The following PCDH9 variants were observed in gnomAD, a reference collection of about 807,000 sequenced individuals.
PCDH9 encodes the protein protocadherin 9.
Under a neutral mutation model 70.6 loss-of-function variants are expected in PCDH9, and 24 were observed. The observed-to-expected ratio is 0.34, with a 90% CI of 0.25 to 0.48. PCDH9 has a LOEUF of 0.48. Among genes scored for constraint, PCDH9 ranks in the 20% least tolerant of loss-of-function variants. PCDH9 has a pLI of 0.99. For missense variants in PCDH9, 1,281 were observed against 1,503.6 expected (o/e 0.85, Z 2.45); for synonymous variants, 562 against 558.5 (o/e 1.01, Z -0.09).
intron 4 of PCDH9, among the ~76,000 whole-genome samples, chr13:66,383,592 CAAATA>C (rs1050358580): frequency 6.6e-6 from 1 of 152,142 alleles, no homozygotes; most frequent in Non-Finnish European, 1.5e-5. Context: ...GTTTTCAATA[CAAATA>C]AAATAACATA....
At chr13:67,169,797 T>C (rs2088226562) in intron 2 of PCDH9, among the ~76,000 whole-genome samples, 1 of 152,238 alleles carries the variant, frequency 6.6e-6, no homozygotes. Flanking sequence ...AATTAATCTT[T>C]TAGCCCTGAT....
chr13:67,026,311 T>C (rs1192814334), intron 2 of PCDH9, among the ~76,000 whole-genome samples: 1 of 152,154 alleles, frequency 6.6e-6, no homozygotes, highest in Non-Finnish European at 1.5e-5. Context: ...ATTCTCTTTT[T>C]TGGTTGTGTC....
intron 2 of PCDH9, among the ~76,000 whole-genome samples, chr13:67,103,126 T>C (rs1273513716): frequency 6.6e-6 from 1 of 152,010 alleles, no homozygotes; most frequent in Admixed American, 6.6e-5. Flanking sequence ...GTACAAAACT[T>C]CAGAAAATAT....
At chr13:66,853,397 TC>T (rs2081346356) in intron 3 of PCDH9, among the ~76,000 whole-genome samples, 1 of 152,110 alleles carries the variant, frequency 6.6e-6, no homozygotes, top group African/African-American at 2.4e-5. Flanking sequence ...CCCCAAAGCT[TC>T]TGGAGTCCCA....
intron 3 of PCDH9, among the ~76,000 whole-genome samples, chr13:66,872,149 G>A (rs761969510): frequency 2.0e-5 from 3 of 152,154 alleles, no homozygotes; most frequent in Non-Finnish European, 4.4e-5. Context: ...CAAATCTGAG[G>A]ACAGTGTCAA....
chr13:66,695,526 C>A (rs777805018), intron 3 of PCDH9, among the ~76,000 whole-genome samples: 31 of 152,136 alleles, frequency 2.0e-4, no homozygotes, highest in Non-Finnish European at 2.8e-4. Flanking sequence ...TAGAAATTTT[C>A]TATGCTAGAA....
At chr13:66,995,884 A>T (rs940584680) in intron 2 of PCDH9, among the ~76,000 whole-genome samples, 3 of 152,206 alleles carry the variant, frequency 2.0e-5, no homozygotes, top group Non-Finnish European at 4.4e-5. Flanking sequence ...ATTTACTTAG[A>T]CCCAACTGGG....
intron 3 of PCDH9, among the ~76,000 whole-genome samples, chr13:66,884,529 T>C (rs2081975269): frequency 6.6e-6 from 1 of 152,154 alleles, no homozygotes; most frequent in African/African-American, 2.4e-5. Context: ...GTGATGTTCA[T>C]TTTGAAGGAG....
chr13:66,378,247 G>A (rs1566280597), intron 4 of PCDH9, among the ~76,000 whole-genome samples: 1 of 152,174 alleles, frequency 6.6e-6, no homozygotes, highest in Non-Finnish European at 1.5e-5. Flanking sequence ...ACCTTTCAAA[G>A]ATGTAATAAT....
chr13:66,748,835 C>A (rs1238251320), intron 3 of PCDH9, among the ~76,000 whole-genome samples: 2 of 152,158 alleles, frequency 1.3e-5, no homozygotes, highest in African/African-American at 4.8e-5. Flanking sequence ...TGGTTTGGCT[C>A]TGTGTCCCCA....
chr13:67,066,159 G>A (rs571587612), intron 2 of PCDH9, among the ~76,000 whole-genome samples: 2 of 152,112 alleles, frequency 1.3e-5, no homozygotes, highest in African/African-American at 2.4e-5. Context: ...AAATGGAAAC[G>A]ATATATTTGT....
At chr13:66,523,702 TG>T in intron 4 of PCDH9, among the ~76,000 whole-genome samples, 1 of 151,420 alleles carries the variant, frequency 6.6e-6, no homozygotes, top group Non-Finnish European at 1.5e-5. Flanking sequence ...AAAAGCATAA[TG>T]AGGGGTGAGA....
chr13:67,068,976 T>C (rs1467360320), intron 2 of PCDH9, among the ~76,000 whole-genome samples: 2 of 128,684 alleles, frequency 1.6e-5, no homozygotes, highest in African/African-American at 5.0e-5. Context: ...GAAAGGTCTC[T>C]AAACAAAAAT....
At chr13:66,405,296 T>C (rs1212867987) in intron 4 of PCDH9, among the ~76,000 whole-genome samples, 1 of 152,238 alleles carries the variant, frequency 6.6e-6, no homozygotes, top group Non-Finnish European at 1.5e-5. Flanking sequence ...AGATGTTGTT[T>C]GCAATAAGAA....
chr13:66,446,073 G>T (rs748003211), intron 4 of PCDH9, among the ~76,000 whole-genome samples: 1 of 151,824 alleles, frequency 6.6e-6, no homozygotes, highest in East Asian at 1.9e-4. Context: ...GAATTATAAC[G>T]TTCAAAACTA....
chr13:66,824,427 A>G (rs2080774773), intron 3 of PCDH9, among the ~76,000 whole-genome samples: 1 of 148,454 alleles, frequency 6.7e-6, no homozygotes, highest in Non-Finnish European at 1.5e-5. Context: ...AGGCCAAGGC[A>G]GGTGAAACAC....
At chr13:66,866,599 C>A (rs2081580174) in intron 3 of PCDH9, among the ~76,000 whole-genome samples, 1 of 152,050 alleles carries the variant, frequency 6.6e-6, no homozygotes, top group Non-Finnish European at 1.5e-5. Flanking sequence ...GAGTTCCAGA[C>A]CAGCCTGGCC....
At position 66,819,434 on chromosome 13, in the gene PCDH9, T is replaced by C. The variant is rs559020251; in HGVS notation, c.3138+84070A>G. On this transcript the variant is annotated intron_variant, in intron 3 of 4. Transcript: ENST00000377865. ...GGCTTGGGATTTGATTACCTCCTCA[T>C]CTGTAGTCCAGATGAGTTGGGGATA... Among the ~76,000 whole-genome samples, 45 of 152,268 alleles carry C rather than the reference T, an allele frequency of 3.0e-4. No individual in the cohort carries two copies. In the East Asian group the frequency reaches 8.3e-3, roughly 28 times the overall value.
chr13:67,081,767 A>G (rs2085988090), intron 2 of PCDH9, among the ~76,000 whole-genome samples: 1 of 152,160 alleles, frequency 6.6e-6, no homozygotes, highest in Admixed American at 6.5e-5. Flanking sequence ...TAGTATTACC[A>G]TTATTATTAA....
Sources: allele counts gnomAD v4.1 joint callset (sites outside exome capture counted in the v4.1 genomes callset), GRCh38; gene constraint gnomAD v4.1.1; transcripts MANE v1.5; gene names NCBI Gene and HGNC (gene_info 2026-07-23, HGNC 2026-07-21).